The following FRMD6 variants were observed in gnomAD, a reference collection of about 807,000 sequenced individuals.
FRMD6 encodes FERM domain-containing protein 6.
FRMD6 carries 37 observed loss-of-function variants against 73.2 expected under a neutral mutation model. The observed-to-expected ratio is 0.51, with a 90% confidence interval of 0.39 to 0.66. FRMD6 has a LOEUF of 0.66. Ranked by LOEUF, FRMD6 falls within the 30% of genes least tolerant of loss-of-function variation. The pLI is 0.00. For synonymous variants in FRMD6, 273 were observed against 282.2 expected (o/e 0.97, Z 0.33); for missense variants, 714 against 780.5 (o/e 0.91, Z 1.02).
At chr14:51,700,321 G>C (rs757152104) in intron 3 of FRMD6, among the ~76,000 whole-genome samples, 1 of 152,030 alleles carries the variant, frequency 6.6e-6, no homozygotes, top group South Asian at 2.1e-4. Context: ...TTTTCTACCA[G>C]CTTCTTTTCA....
At chr14:51,398,873 C>A in the FRMD6 span, among the ~76,000 whole-genome samples, 1 of 152,142 alleles carries the variant, frequency 6.6e-6, no homozygotes, top group Non-Finnish European at 1.5e-5. Flanking sequence ...AAACCTAGAT[C>A]TGCTCACTCC....
chr14:51,600,645 A>G lies in FRMD6; in HGVS notation c.-147+30235A>G, dbSNP rs146288916. On this transcript the variant is annotated intron_variant, in intron 2 of 14. Coordinates refer to the FRMD6 transcript ENST00000356218. ...TTTATTTTTCTGCAACTTAGAATTT[A>G]AGGCAGCAATTTCATCTACAATGTT... Among the ~76,000 whole-genome samples the G allele has an allele frequency of 3.7e-3, 558 of 152,350 alleles. 1 individual carries two copies. Among genetic ancestry groups the G allele is most frequent in the African/African-American group, 0.013 (532 of 41,584 alleles).
chr14:51,691,825 C>T (rs1393262766), intron 2 of FRMD6, among the ~76,000 whole-genome samples: 1 of 151,856 alleles, frequency 6.6e-6, no homozygotes, highest in Non-Finnish European at 1.5e-5. Flanking sequence ...AAACTCCTGA[C>T]CTCACGTGAT....
intron 1 of FRMD6, among the ~76,000 whole-genome samples, chr14:51,545,273 A>T (rs1886406781): frequency 6.6e-6 from 1 of 152,010 alleles, no homozygotes; most frequent in Non-Finnish European, 1.5e-5. Context: ...CTCTTTTTAA[A>T]CACAGCAAAA....
rs1308157620 is a variant in FRMD6 at position 51,720,043 on chromosome 14, C to A, written c.1025-12C>A. 2.3e-5 allele frequency: 36 copies of A among 1,597,932 alleles called. No homozygotes were observed. Among genetic ancestry groups the A allele is most frequent in the Non-Finnish European group, 3.0e-5 (35 of 1,170,186 alleles). On this transcript the variant is annotated splice_polypyrimidine_tract_variant and intron_variant, in intron 10 of 13. Coordinates refer to ENST00000344768, the MANE Select transcript of FRMD6 (RefSeq NM_001267046.2). ...CTGTCTTGGTTAATGAACTGTGTTCCCCACCACGTAGAGAAGAAGCAGTAC... is the reference window on the plus strand; with the variant it reads ...CTGTCTTGGTTAATGAACTGTGTTCACCACCACGTAGAGAAGAAGCAGTAC...
At chr14:51,421,029 G>A in the FRMD6 span, among the ~76,000 whole-genome samples, 1 of 152,112 alleles carries the variant, frequency 6.6e-6, no homozygotes, top group South Asian at 2.1e-4. Flanking sequence ...CACCCCCTCA[G>A]TCTCCCAAAG....
chr14:51,478,411 A>G, the FRMD6 span, among the ~76,000 whole-genome samples: 35 of 152,242 alleles, frequency 2.3e-4, no homozygotes, highest in African/African-American at 7.7e-4. Flanking sequence ...CTTTGGTAAG[A>G]TAAGTTTTCT....
At chr14:51,585,939 GTATATA>G (rs3060587) in intron 2 of FRMD6, among the ~76,000 whole-genome samples, 2 of 31,418 alleles carry the variant, frequency 6.4e-5, no homozygotes, top group African/African-American at 1.4e-4. Flanking sequence ...GTGTGTGTGT[GTATATA>G]TATATATATA....
chr14:51,688,649 G>A (rs1895340713), intron 1 of FRMD6, among the ~76,000 whole-genome samples: 1 of 152,110 alleles, frequency 6.6e-6, no homozygotes, highest in Non-Finnish European at 1.5e-5. Flanking sequence ...AATGTAGCTG[G>A]AAAGGAATAA....
intron 1 of FRMD6, among the ~76,000 whole-genome samples, chr14:51,539,276 C>A (rs560856850): frequency 6.6e-6 from 1 of 152,086 alleles, no homozygotes; most frequent in Non-Finnish European, 1.5e-5. Flanking sequence ...GAGCTGCCCC[C>A]ACCTCAGTCC....
intron 1 of FRMD6, among the ~76,000 whole-genome samples, chr14:51,665,170 C>T (rs1266002002): frequency 1.3e-5 from 2 of 152,116 alleles, no homozygotes; most frequent in African/African-American, 2.4e-5. Flanking sequence ...AAAAAAATTG[C>T]ATTTTATACC....
At chr14:51,500,429 A>T (rs752192770) in intron 1 of FRMD6, among the ~76,000 whole-genome samples, 1 of 152,116 alleles carries the variant, frequency 6.6e-6, no homozygotes. Flanking sequence ...CAGGAGGCTG[A>T]GGCAGGACAA....
intron 2 of FRMD6, among the ~76,000 whole-genome samples, chr14:51,641,650 A>G (rs1362573765): frequency 6.6e-6 from 1 of 152,176 alleles, no homozygotes; most frequent in Non-Finnish European, 1.5e-5. Context: ...GACACTTGGC[A>G]GGCTCAGCCA....
chr14:51,532,013 A>G (rs1479483093), intron 1 of FRMD6, among the ~76,000 whole-genome samples: 1 of 152,208 alleles, frequency 6.6e-6, no homozygotes, highest in Non-Finnish European at 1.5e-5. Flanking sequence ...TTAAACATTT[A>G]CCACCACATC....
chr14:51,417,569 C>T, the FRMD6 span, among the ~76,000 whole-genome samples: 1 of 152,230 alleles, frequency 6.6e-6, no homozygotes, highest in Non-Finnish European at 1.5e-5. Flanking sequence ...ACCTTTCTCT[C>T]TGGCTGCCCT....
At chr14:51,556,795 C>A (rs960924867) in intron 1 of FRMD6, among the ~76,000 whole-genome samples, 1 of 152,146 alleles carries the variant, frequency 6.6e-6, no homozygotes, top group Admixed American at 6.5e-5. Flanking sequence ...CCGAGCTGCC[C>A]CTGTCTCCTT....
chr14:51,425,722 A>G, the FRMD6 span, among the ~76,000 whole-genome samples: 2 of 152,158 alleles, frequency 1.3e-5, no homozygotes, highest in Non-Finnish European at 2.9e-5. Context: ...TGCACAGATA[A>G]CCTACCCCAG....
At chr14:51,492,072 A>G (rs1883036458) in intron 1 of FRMD6, among the ~76,000 whole-genome samples, 1 of 152,214 alleles carries the variant, frequency 6.6e-6, no homozygotes, top group African/African-American at 2.4e-5. Context: ...CTCTGCAGGA[A>G]CATATGTTTG....
chr14:51,552,677 G>C lies in FRMD6; in HGVS notation c.-209-17671G>C, dbSNP rs138471300. On this transcript the variant is annotated intron_variant, in intron 1 of 14. Transcript: ENST00000356218. ...AGAAGTAAAAAACTTGAAAAATTATGTGAAATTCTTGATTCTGAAATAATG... is the reference window on the plus strand; with the variant it reads ...AGAAGTAAAAAACTTGAAAAATTATCTGAAATTCTTGATTCTGAAATAATG... 1.4e-3 allele frequency among the ~76,000 whole-genome samples: 216 copies of C among 152,328 alleles called. 1 individual carries two copies. Among genetic ancestry groups the C allele is most frequent in the African/African-American group, 5.0e-3 (206 of 41,568 alleles).
Sources: gnomAD v4.1 joint callset for allele counts (sites outside exome capture counted in the v4.1 genomes callset) on GRCh38, gnomAD v4.1.1 for gene constraint, MANE v1.5 for transcripts, NCBI Gene and HGNC (gene_info 2026-07-23, HGNC 2026-07-21) for gene names.